The following QKI variants were observed in gnomAD, a reference collection of about 807,000 sequenced individuals.
The protein encoded by QKI is QKI, KH domain containing RNA binding.
A neutral mutation model predicts 39.0 loss-of-function variants in QKI; 10 were observed. The observed-to-expected ratio is 0.26, with a 90% CI of 0.16 to 0.43. QKI has a LOEUF of 0.43. Among genes scored for constraint, QKI ranks in the 20% least tolerant of loss-of-function variants. The probability of loss-of-function intolerance (pLI) is 1.00; values close to 1 mark genes in which losing one functional copy is unlikely to be tolerated. For synonymous variants in QKI, 204 were observed against 155.4 expected, an observed-to-expected ratio of 1.31 and a Z score of -2.33; for missense variants, 218 against 428.0, an observed-to-expected ratio of 0.51 and a Z score of 4.33.
intron 3 of QKI, among the ~76,000 whole-genome samples, chr6:163,485,551 A>G (rs1365713179): frequency 6.6e-6 from 1 of 152,172 alleles, no homozygotes; most frequent in East Asian, 1.9e-4. Context: ...ATCCGTCTGC[A>G]ATTTGTCAGC....
At chr6:163,499,698 G>A (rs1778626657) in intron 3 of QKI, among the ~76,000 whole-genome samples, 1 of 151,922 alleles carries the variant, frequency 6.6e-6, no homozygotes, top group East Asian at 1.9e-4. Context: ...CCTTTCACAT[G>A]TTCTACCCAC....
chr6:163,563,959 T>A (rs1162269695), intron 6 of QKI: 1 of 1,367,442 alleles, frequency 7.3e-7, no homozygotes, highest in East Asian at 2.7e-5. Flanking sequence ...GGTAAATCTG[T>A]TGTGTACATT....
rs757701002 is a variant in QKI at position 163,517,081 on chromosome 6, T to TTC, written c.403-17881_403-17880dup. Among the ~76,000 whole-genome samples, 755 of 97,678 alleles carry TTC rather than the reference T, an allele frequency of 7.7e-3. 3 individuals are homozygous for TTC. The highest frequency in any genetic ancestry group is 0.011 in the Non-Finnish European group (556 of 52,832). 64.1% of individuals were successfully genotyped at this position (97,678 alleles called of 152,430 possible). A position where few individuals can be genotyped will look rare whatever the true frequency, so the allele number is the denominator to read the frequency against. ...TCACTCTCTCTCTCTCTCTCTCTCT[T>TTC]TCTCTCTCTCTCTCTCTCTCTAGCT... On this transcript the variant is annotated intron_variant, in intron 3 of 7. Coordinates refer to ENST00000361752, the MANE Select transcript of QKI (RefSeq NM_006775.3).
At chr6:163,534,598 A>G (rs1033010099) in intron 3 of QKI, among the ~76,000 whole-genome samples, 2 of 152,222 alleles carry the variant, frequency 1.3e-5, no homozygotes, top group Non-Finnish European at 2.9e-5. Context: ...AGTAAAATGC[A>G]GAAATAATGA....
chr6:163,540,539 C>T (rs1370732465), intron 4 of QKI, among the ~76,000 whole-genome samples: 4 of 152,086 alleles, frequency 2.6e-5, no homozygotes, highest in East Asian at 3.9e-4. Context: ...TACCAACAAG[C>T]GTGCAAACTC....
chr6:163,442,056 CCACCATTTACAT>C (rs1789798507), intron 1 of QKI, among the ~76,000 whole-genome samples: 1 of 152,164 alleles, frequency 6.6e-6, no homozygotes, highest in South Asian at 2.1e-4. Flanking sequence ...GCCATTTTCA[CCACCATTTACAT>C]ACGAATGTAC....
intron 2 of QKI, among the ~76,000 whole-genome samples, chr6:163,467,779 A>G (rs1199670734): frequency 6.6e-6 from 1 of 152,230 alleles, no homozygotes; most frequent in African/African-American, 2.4e-5. Flanking sequence ...TTTGGTATAT[A>G]GTCTCCAACT....
At chr6:163,472,209 T>C (rs1311092539) in intron 2 of QKI, among the ~76,000 whole-genome samples, 3 of 152,104 alleles carry the variant, frequency 2.0e-5, no homozygotes, top group Non-Finnish European at 4.4e-5. Flanking sequence ...ACTGTATTCT[T>C]ACAATAAAAT....
intron 1 of QKI, among the ~76,000 whole-genome samples, chr6:163,417,150 CACA>C (rs1787584972): frequency 6.6e-6 from 1 of 152,036 alleles, no homozygotes; most frequent in South Asian, 2.1e-4. Flanking sequence ...AAATTATTGG[CACA>C]ACTTTATGAC....
chr6:163,487,016 G>A (rs1372243348), intron 3 of QKI, among the ~76,000 whole-genome samples: 1 of 152,166 alleles, frequency 6.6e-6, no homozygotes. Flanking sequence ...TTACTGCTGT[G>A]TCAACACTTT....
At chr6:163,441,492 A>G (rs563119963) in intron 1 of QKI, among the ~76,000 whole-genome samples, 7 of 152,344 alleles carry the variant, frequency 4.6e-5, no homozygotes, top group Admixed American at 1.3e-4. Context: ...AAATATAGCA[A>G]AAGGCAAAAA....
chr6:163,497,610 A>G (rs1778492293), intron 3 of QKI, among the ~76,000 whole-genome samples: 1 of 149,874 alleles, frequency 6.7e-6, no homozygotes, highest in South Asian at 2.1e-4. Context: ...CTAATGACCT[A>G]GGAAAAAATA....
chr6:163,492,682 T>C (rs540552894), intron 3 of QKI, among the ~76,000 whole-genome samples: 8 of 152,108 alleles, frequency 5.3e-5, no homozygotes, highest in African/African-American at 1.9e-4. Flanking sequence ...GTGAAGAAAA[T>C]TTGGAGTAAT....
chr6:163,568,124 G>T, intron 7 of QKI: 1 of 985,410 alleles, frequency 1.0e-6, no homozygotes, highest in Non-Finnish European at 1.2e-6. Context: ...GTCTCATAGG[G>T]ATGGGGAAGT....
chr6:163,503,766 G>A (rs1778928057), intron 3 of QKI, among the ~76,000 whole-genome samples: 1 of 151,896 alleles, frequency 6.6e-6, no homozygotes, highest in Non-Finnish European at 1.5e-5. Flanking sequence ...TGGAGACAGA[G>A]TCTTGCTCTG....
chr6:163,548,504 C>G (rs1364214426), intron 4 of QKI, among the ~76,000 whole-genome samples: 1 of 152,128 alleles, frequency 6.6e-6, no homozygotes. Flanking sequence ...ATACGTAAGC[C>G]TACCCAAAAC....
chr6:163,552,491 T>C (rs914865400), intron 4 of QKI, among the ~76,000 whole-genome samples: 1 of 152,164 alleles, frequency 6.6e-6, no homozygotes, highest in African/African-American at 2.4e-5. Flanking sequence ...ATTACAGGCG[T>C]GAGCCACCGT....
rs1040369774 is a variant in QKI, at chr6:163,576,901, T to G, written c.*6191T>G. 1.3e-5 allele frequency: 2 copies of G among 152,224 alleles called. No homozygotes were observed. The highest frequency in any genetic ancestry group is 6.5e-5 in the Admixed American group (1 of 15,278). 9.4% of individuals were successfully genotyped at this position (152,224 alleles called of 1,614,324 possible). A position where few individuals can be genotyped will look rare whatever the true frequency, so the allele number is the denominator to read the frequency against. ...TCTGATTTTAGCCATTAAGGGAGATTAGTAAACAGACTGCTACAGTGTTCC... is the reference window on the plus strand; with the variant it reads ...TCTGATTTTAGCCATTAAGGGAGATGAGTAAACAGACTGCTACAGTGTTCC... On this transcript the variant is annotated 3_prime_UTR_variant, in exon 8 of 8. Transcript: ENST00000361752.
At chr6:163,453,699 C>G (rs140827334) in intron 1 of QKI, among the ~76,000 whole-genome samples, 1 of 152,038 alleles carries the variant, frequency 6.6e-6, no homozygotes, top group African/African-American at 2.4e-5. Context: ...AAATTCTGCC[C>G]TTATCATGTA....
Sources: gnomAD v4.1 joint callset for allele counts (sites outside exome capture counted in the v4.1 genomes callset) on GRCh38, gnomAD v4.1.1 for gene constraint, MANE v1.5 for transcripts, NCBI Gene and HGNC (gene_info 2026-07-23, HGNC 2026-07-21) for gene names.